N4BP2L2: variants seen among roughly 807,000 people sequenced by gnomAD.
The protein encoded by N4BP2L2 is NEDD4-binding protein 2-like 2.
In N4BP2L2, 50 loss-of-function variants were observed where a neutral mutation model predicts 56.2. The ratio of observed to expected loss-of-function variants is 0.89; its 90% confidence interval spans 0.71 to 1.13. The LOEUF is 1.13. Ranked by LOEUF, N4BP2L2 falls within the 50% of genes most tolerant of loss-of-function variation. N4BP2L2 has a pLI of 0.00. For missense variants in N4BP2L2, 689 were observed against 693.8 expected (o/e 0.99, Z 0.08); for synonymous variants, 203 against 223.6 (o/e 0.91, Z 0.82).
chr13:32,535,814 A>ATTCTTT, exon 2 of N4BP2L2: 1 of 1,614,142 alleles, frequency 6.2e-7, no homozygotes, highest in Admixed American at 1.7e-5. Context: ...TCTTAAAAGA[A>ATTCTTT]TAAGTAACTT....
intron 6 of N4BP2L2, among the ~76,000 whole-genome samples, chr13:32,490,883 C>T (rs1048602459): frequency 1.3e-5 from 2 of 152,032 alleles, no homozygotes; most frequent in East Asian, 3.9e-4. Context: ...AGCCCAGTTC[C>T]CAACAGGTCA....
exon 6 of N4BP2L2, chr13:32,517,239 C>T: frequency 1.9e-5 from 19 of 986,054 alleles, no homozygotes; most frequent in South Asian, 4.7e-5. Flanking sequence ...GACTGATATA[C>T]CTACTATCTA....
chr13:32,516,530 T>C (rs1046211027), exon 6 of N4BP2L2: 1 of 152,154 alleles, frequency 6.6e-6, no homozygotes, highest in Non-Finnish European at 1.5e-5. Flanking sequence ...AGAGAATATC[T>C]AAAGTTGAAA....
At chr13:32,518,058 G>A in intron 5 of N4BP2L2, 55 bp from the exon 6 acceptor site, 2 of 1,505,608 alleles carry the variant, frequency 1.3e-6, no homozygotes, top group Admixed American at 2.1e-5. Flanking sequence ...CAGGCTTAGA[G>A]ATTAACTGTT....
intron 6 of N4BP2L2, among the ~76,000 whole-genome samples, chr13:32,474,002 A>C (rs1039190483): frequency 6.6e-6 from 1 of 152,236 alleles, no homozygotes; most frequent in African/African-American, 2.4e-5. Flanking sequence ...TAGTTTTGTG[A>C]CAATGGCAGA....
chr13:32,529,193 G>T (rs1242443169), intron 2 of N4BP2L2, among the ~76,000 whole-genome samples: 2 of 152,226 alleles, frequency 1.3e-5, no homozygotes, highest in Non-Finnish European at 2.9e-5. Context: ...GGCCAGTGGT[G>T]TATTTTATAA....
chr13:32,523,659 G>T (rs1177082626), intron 3 of N4BP2L2: 1 of 147,884 alleles, frequency 6.8e-6, no homozygotes, highest in African/African-American at 2.6e-5. Context: ...ACTCCAGCCT[G>T]GGTGACAGAG....
At chr13:32,474,527 TAAAAA>T (rs34753353) in intron 6 of N4BP2L2, among the ~76,000 whole-genome samples, 1 of 136,136 alleles carries the variant, frequency 7.3e-6, no homozygotes, top group Admixed American at 7.4e-5. Context: ...CTGTCTCTAC[TAAAAA>T]AAAAAAAAAA....
At chr13:32,517,971 A>T in exon 6 of N4BP2L2, 1 of 1,613,812 alleles carries the variant, frequency 6.2e-7, no homozygotes, top group Non-Finnish European at 8.5e-7. Flanking sequence ...CATCTGAGCA[A>T]TCTTCTTTCG....
At chr13:32,442,811 A>C (rs1243937959) in exon 7 of N4BP2L2, 1 of 1,613,696 alleles carries the variant, frequency 6.2e-7, no homozygotes, top group Non-Finnish European at 8.5e-7. Flanking sequence ...AGGCAATGAG[A>C]ATAACGCTGT....
At chr13:32,478,869 C>T (rs1003047669) in intron 6 of N4BP2L2, 4 of 152,198 alleles carry the variant, frequency 2.6e-5, no homozygotes, top group African/African-American at 7.2e-5. Flanking sequence ...GTGGCTTACA[C>T]CTGTAATCTC....
chr13:32,443,553 A>G (rs2076632948), exon 7 of N4BP2L2: 1 of 1,610,730 alleles, frequency 6.2e-7, no homozygotes, highest in African/African-American at 1.3e-5. Context: ...AGAGATTTTT[A>G]TCTACTATTT....
chr13:32,525,002 A>T (rs901601425), intron 3 of N4BP2L2: 1 of 152,308 alleles, frequency 6.6e-6, no homozygotes, highest in African/African-American at 2.4e-5. Flanking sequence ...GGCTCAAGTG[A>T]TCTGCCCGCC....
intron 6 of N4BP2L2, among the ~76,000 whole-genome samples, chr13:32,463,716 G>A (rs79549146): frequency 0.045 from 6,683 of 148,024 alleles, 487 homozygotes; most frequent in African/African-American, 0.16. Context: ...TTAGGATTAA[G>A]AGCTGAATTC....
intron 6 of N4BP2L2, among the ~76,000 whole-genome samples, chr13:32,461,300 T>C (rs2080023565): frequency 6.6e-6 from 1 of 151,954 alleles, no homozygotes; most frequent in Non-Finnish European, 1.5e-5. Context: ...TGCACAGCAA[T>C]GGAAACAATC....
At chr13:32,526,734 A>G (rs1033449429) in intron 3 of N4BP2L2, 2 of 151,982 alleles carry the variant, frequency 1.3e-5, no homozygotes, top group Non-Finnish European at 2.9e-5. Flanking sequence ...GAAATTTCAA[A>G]ACAAAAAGTA....
At chr13:32,442,477 CTTG>C (rs1431206880) in exon 7 of N4BP2L2, 1 of 1,613,444 alleles carries the variant, frequency 6.2e-7, no homozygotes, top group Non-Finnish European at 8.5e-7. Flanking sequence ...GTAGTCAGTG[CTTG>C]TTAAGTCTTG....
chr13:32,536,548 T>C (rs142460591), exon 2 of N4BP2L2: 204 of 1,613,992 alleles, frequency 1.3e-4, no homozygotes, highest in Non-Finnish European at 1.7e-4. Context: ...CAGAGTTAAA[T>C]TTCTGTTTCT....
chr13:32,491,384 T>C (rs1372636589), intron 6 of N4BP2L2, among the ~76,000 whole-genome samples: 1 of 151,914 alleles, frequency 6.6e-6, no homozygotes. Context: ...GGGAAAATAA[T>C]TTATGTGGAT....
Sources: allele counts gnomAD v4.1 joint callset (sites outside exome capture counted in the v4.1 genomes callset), GRCh38; gene constraint gnomAD v4.1.1; transcripts MANE v1.5; gene names NCBI Gene and HGNC (gene_info 2026-07-23, HGNC 2026-07-21).